Variants in DLGAP1 observed in about 807,000 individuals in gnomAD.
The protein encoded by DLGAP1 is DLG associated protein 1.
DLGAP1 carries 11 observed loss-of-function variants against 90.8 expected under a neutral mutation model. That is an observed-to-expected ratio of 0.12 (90% CI 0.08 to 0.20). DLGAP1 has a LOEUF of 0.20. Ranked by LOEUF, DLGAP1 falls within the 10% of genes least tolerant of loss-of-function variation. The pLI is 1.00. For synonymous variants in DLGAP1, 558 were observed against 540.7 expected (o/e 1.03, Z -0.44); for missense variants, 1,050 against 1,333.8 (o/e 0.79, Z 3.31).
intron 10 of DLGAP1, among the ~76,000 whole-genome samples, chr18:3,532,350 C>T (rs984421101): frequency 1.3e-5 from 2 of 151,536 alleles, no homozygotes; most frequent in African/African-American, 2.4e-5. Context: ...GAGGCCGAGG[C>T]GGGTGGATCA....
chr18:3,772,166 C>CTCCT (rs1347766396), intron 5 of DLGAP1, among the ~76,000 whole-genome samples: 3,653 of 96,402 alleles, frequency 0.038, 183 homozygotes, highest in African/African-American at 0.15. Flanking sequence ...CTTTCTTTCT[C>CTCCT]TCCTTCCTTT....
chr18:4,004,283 C>T (rs1459705999), intron 3 of DLGAP1, among the ~76,000 whole-genome samples: 1 of 152,056 alleles, frequency 6.6e-6, no homozygotes, highest in African/African-American at 2.4e-5. Context: ...TAATATTTTT[C>T]CCAGTGATTG....
chr18:4,264,667 G>A (rs892846506), intron 1 of DLGAP1: 2 of 152,250 alleles, frequency 1.3e-5, no homozygotes, highest in African/African-American at 4.8e-5. Flanking sequence ...TAGCAGCCAA[G>A]GATGGGAATT....
chr18:4,411,803 C>T (rs893768155), intron 1 of DLGAP1, among the ~76,000 whole-genome samples: 1 of 152,080 alleles, frequency 6.6e-6, no homozygotes, highest in Non-Finnish European at 1.5e-5. Context: ...TCATGTTGCT[C>T]GGGCACCTAA....
At chr18:3,663,078 C>A (rs139496837) in intron 7 of DLGAP1, among the ~76,000 whole-genome samples, 1 of 152,050 alleles carries the variant, frequency 6.6e-6, no homozygotes, top group East Asian at 1.9e-4. Flanking sequence ...TCGAGATCAG[C>A]CTGACCAACA....
At chr18:3,742,584 T>C (rs1598551044) in intron 5 of DLGAP1, 72 bp from the exon 6 acceptor site, 4 of 1,549,356 alleles carry the variant, frequency 2.6e-6, no homozygotes, top group East Asian at 2.3e-5. Context: ...TGTGGCACTA[T>C]TGTCATTTAT....
intron 1 of DLGAP1, among the ~76,000 whole-genome samples, chr18:4,234,002 T>G (rs558504325): frequency 8.5e-5 from 13 of 152,208 alleles, no homozygotes; most frequent in African/African-American, 3.1e-4. Flanking sequence ...TATCTTAATT[T>G]TCACTTCTGA....
At chr18:3,776,611 AC>A (rs1237156334) in intron 5 of DLGAP1, among the ~76,000 whole-genome samples, 1 of 151,638 alleles carries the variant, frequency 6.6e-6, no homozygotes, top group African/African-American at 2.4e-5. Context: ...TTTTCTCCTC[AC>A]CCCCTGCCTT....
At chr18:4,042,063 G>A (rs1438717915) in intron 2 of DLGAP1, among the ~76,000 whole-genome samples, 2 of 152,128 alleles carry the variant, frequency 1.3e-5, no homozygotes, top group Non-Finnish European at 1.5e-5. Flanking sequence ...AGAATTGTGT[G>A]TTCCTTTAAA....
intron 7 of DLGAP1, among the ~76,000 whole-genome samples, chr18:3,678,402 T>C (rs961616803): frequency 2.2e-4 from 34 of 152,106 alleles, no homozygotes; most frequent in African/African-American, 8.0e-4. Context: ...AAATCACATC[T>C]CCTTCACGTT....
rs558835586 is a variant in DLGAP1, at chr18:4,155,500, C to G, written c.-266-4213G>C. On this transcript the variant is annotated intron_variant, in intron 1 of 12. Transcript: ENST00000315677. ...CAACTAGGATTGCTAACCTCATAGACTTTTCTCCCACAGTTGCTGTTTAGT... is the reference window on the plus strand; with the variant it reads ...CAACTAGGATTGCTAACCTCATAGAGTTTTCTCCCACAGTTGCTGTTTAGT... 2.0e-5 allele frequency among the ~76,000 whole-genome samples: 3 copies of G among 152,246 alleles called. No homozygotes were observed. The East Asian group carries it at 5.8e-4, about 29-fold the overall frequency.
At chr18:3,594,327 C>CCACCACTCCCA (rs1282402512) in intron 7 of DLGAP1, 1 of 150,878 alleles carries the variant, frequency 6.6e-6, no homozygotes, top group African/African-American at 2.4e-5. Context: ...AGCATCTCCC[C>CCACCACTCCCA]CACCACTCCC....
chr18:4,261,077 C>T (rs975291104), intron 1 of DLGAP1, among the ~76,000 whole-genome samples: 7 of 152,272 alleles, frequency 4.6e-5, no homozygotes, highest in South Asian at 4.1e-4. Flanking sequence ...CTAGAATATT[C>T]GGTTCAATGT....
chr18:4,182,226 G>A (rs1346757805), intron 1 of DLGAP1, among the ~76,000 whole-genome samples: 7 of 152,106 alleles, frequency 4.6e-5, no homozygotes, highest in Non-Finnish European at 1.0e-4. Flanking sequence ...TGGGCTGAAG[G>A]AATTAAGAAC....
chr18:4,099,625 A>G (rs1598400824), intron 2 of DLGAP1, among the ~76,000 whole-genome samples: 1 of 151,608 alleles, frequency 6.6e-6, no homozygotes, highest in East Asian at 1.9e-4. Context: ...TTTTACCTCA[A>G]TGTTGGTGGC....
chr18:4,244,395 T>TA (rs1449109854), intron 1 of DLGAP1, among the ~76,000 whole-genome samples: 1 of 152,216 alleles, frequency 6.6e-6, no homozygotes, highest in Non-Finnish European at 1.5e-5. Context: ...AGATTTCTGA[T>TA]AGTACCATAA....
chr18:4,020,017 T>C (rs540229385), intron 2 of DLGAP1, among the ~76,000 whole-genome samples: 6 of 152,344 alleles, frequency 3.9e-5, no homozygotes, highest in African/African-American at 1.4e-4. Context: ...GATTTAAACA[T>C]ATTCTGATTG....
At chr18:3,551,665 C>CTTCT (rs374790421) in intron 9 of DLGAP1, among the ~76,000 whole-genome samples, 61,498 of 64,400 alleles carry the variant, frequency 0.95, 29,652 homozygotes, top group East Asian at 1. Context: ...TGTCTCTTTC[C>CTTCT]TTCTTTCTTT....
At chr18:3,828,497 G>A (rs112643425) in intron 4 of DLGAP1, among the ~76,000 whole-genome samples, 1 of 151,986 alleles carries the variant, frequency 6.6e-6, no homozygotes, top group African/African-American at 2.4e-5. Flanking sequence ...AATATTAGTT[G>A]GGTGTGGAGG....
Sources: allele counts gnomAD v4.1 joint callset (sites outside exome capture counted in the v4.1 genomes callset), GRCh38; gene constraint gnomAD v4.1.1; transcripts MANE v1.5; gene names NCBI Gene and HGNC (gene_info 2026-07-23, HGNC 2026-07-21).